Variants in PCDHA8 observed in about 807,000 individuals in gnomAD.
PCDHA8 encodes protocadherin alpha 8.
A neutral mutation model predicts 61.8 loss-of-function variants in PCDHA8; 53 were observed. That is an observed-to-expected ratio of 0.86 (90% confidence interval 0.69 to 1.08). PCDHA8 has a LOEUF of 1.08. Ranked by LOEUF, PCDHA8 falls within the 50% of genes least tolerant of loss-of-function variation. PCDHA8 has a pLI of 0.00. For synonymous variants in PCDHA8, 618 were observed against 556.6 expected (o/e 1.11, Z -1.55); for missense variants, 1,293 against 1,245.0 (o/e 1.04, Z -0.58).
chr5:140,875,865 G>C (rs782211791), intron 1 of PCDHA8: 6 of 1,614,160 alleles, frequency 3.7e-6, no homozygotes, highest in Non-Finnish European at 5.1e-6. Context: ...ACAACCCGCC[G>C]GTGTTCAGAG....
Position 140,842,566 on chromosome 5 carries a change from CGAGAGA to C in PCDHA8, c.1247_1252del (p.Glu416_Arg417del). ...TGGTGCTGGACAGCGCCCTGGACCG[CGAGAGA>C]GTGTCGGCCTATGAGTTGGTGGTAA... On this transcript the variant is annotated inframe_deletion, in exon 1 of 4. Transcript: ENST00000531613. 6.7e-7 allele frequency: 1 copy of C among 1,503,446 alleles called. No individual in the cohort carries two copies. The highest frequency in any genetic ancestry group is 9.0e-7 in the Non-Finnish European group (1 of 1,107,054). The allele number at this position is 1,503,446 out of a possible 1,614,324, so 93.1% of individuals were successfully genotyped here.
In PCDHA8 at chr5:140,875,579, A is replaced by C. The variant is rs552791418; in HGVS notation, c.2394+31864A>C. ...AGCGGCCAGCTCCACTACTCCGTCTACGAGGAGGCCAAACACGGCACCTTC... is the reference window on the plus strand; with the variant it reads ...AGCGGCCAGCTCCACTACTCCGTCTCCGAGGAGGCCAAACACGGCACCTTC... On this transcript the variant is annotated intron_variant, in intron 1 of 3. Coordinates refer to ENST00000531613, the MANE Select transcript of PCDHA8 (RefSeq NM_018911.3). The C allele has an allele frequency of 9.3e-6, 15 of 1,614,050 alleles. No individual in the cohort carries two copies. Among genetic ancestry groups the C allele is most frequent in the East Asian group, 6.7e-5 (3 of 44,884 alleles).
At chr5:140,921,198 A>T (rs1298623554) in intron 1 of PCDHA8, among the ~76,000 whole-genome samples, 2 of 152,076 alleles carry the variant, frequency 1.3e-5, no homozygotes, top group African/African-American at 4.8e-5. Flanking sequence ...CAATAGATTG[A>T]CAACGATAAT....
intron 3 of PCDHA8, among the ~76,000 whole-genome samples, chr5:140,992,482 G>A (rs1187706188): frequency 6.6e-6 from 1 of 152,164 alleles, no homozygotes; most frequent in Non-Finnish European, 1.5e-5. Flanking sequence ...TCACCCAGAG[G>A]CCAATCTGTA....
intron 1 of PCDHA8, among the ~76,000 whole-genome samples, chr5:140,888,192 A>T (rs906159358): frequency 6.6e-6 from 1 of 152,120 alleles, no homozygotes; most frequent in Non-Finnish European, 1.5e-5. Context: ...TGAATTTTAC[A>T]TTGTCGGATG....
At chr5:140,961,984 C>T (rs1037951528) in intron 1 of PCDHA8, among the ~76,000 whole-genome samples, 69 of 151,884 alleles carry the variant, frequency 4.5e-4, no homozygotes, top group African/African-American at 1.5e-3. Context: ...CCTGGGTTCA[C>T]GCCATTGTCC....
chr5:140,954,360 A>G (rs1203050549), intron 1 of PCDHA8, among the ~76,000 whole-genome samples: 2 of 152,212 alleles, frequency 1.3e-5, no homozygotes, highest in African/African-American at 4.8e-5. Flanking sequence ...GAATCGCCAC[A>G]CAGTCTCCCA....
intron 1 of PCDHA8, chr5:140,969,086 G>A: frequency 6.2e-7 from 1 of 1,614,190 alleles, no homozygotes; most frequent in Non-Finnish European, 8.5e-7. Context: ...TGGCCTCAAA[G>A]TGCAGCCTCA....
intron 1 of PCDHA8, among the ~76,000 whole-genome samples, chr5:140,879,660 G>A (rs994440632): frequency 1.3e-5 from 2 of 152,154 alleles, no homozygotes; most frequent in East Asian, 1.9e-4. Flanking sequence ...TATAACAAAC[G>A]AACACAAACT....
chr5:140,893,853 G>C (rs1395145943), intron 1 of PCDHA8, among the ~76,000 whole-genome samples: 1 of 152,050 alleles, frequency 6.6e-6, no homozygotes. Context: ...CCTACCTCTT[G>C]TATAGAAACA....
At chr5:140,948,708 C>T (rs1376587735) in intron 1 of PCDHA8, among the ~76,000 whole-genome samples, 1 of 151,114 alleles carries the variant, frequency 6.6e-6, no homozygotes, top group Non-Finnish European at 1.5e-5. Flanking sequence ...TGTGTTCTAT[C>T]CTCTTTTTTA....
At chr5:140,899,035 G>C (rs2067107583) in intron 1 of PCDHA8, among the ~76,000 whole-genome samples, 1 of 151,908 alleles carries the variant, frequency 6.6e-6, no homozygotes, top group African/African-American at 2.4e-5. Context: ...TTTGTACATT[G>C]ATTTTGTATC....
chr5:140,949,639 T>C (rs1563239072), intron 1 of PCDHA8, among the ~76,000 whole-genome samples: 1 of 152,036 alleles, frequency 6.6e-6, no homozygotes, highest in East Asian at 1.9e-4. Flanking sequence ...ATATTGCTTT[T>C]TGTTCATTTT....
intron 1 of PCDHA8, among the ~76,000 whole-genome samples, chr5:140,923,645 C>T (rs939799750): frequency 1.1e-4 from 17 of 152,126 alleles, no homozygotes; most frequent in African/African-American, 4.1e-4. Context: ...AATCTTTAGC[C>T]TCCCTTATCT....
At chr5:140,939,789 A>T (rs1259994967) in intron 1 of PCDHA8, among the ~76,000 whole-genome samples, 1 of 152,246 alleles carries the variant, frequency 6.6e-6, no homozygotes, top group African/African-American at 2.4e-5. Flanking sequence ...GTCAATTTCT[A>T]TAAATGTTCT....
intron 1 of PCDHA8, chr5:140,863,004 GC>G (rs781788283): frequency 1.8e-6 from 1 of 551,012 alleles, no homozygotes; most frequent in Non-Finnish European, 3.6e-6. Context: ...GTGGACTCCA[GC>G]TATGACGCCT....
chr5:140,988,119 A>T (rs1238767411), intron 3 of PCDHA8, among the ~76,000 whole-genome samples: 1 of 152,174 alleles, frequency 6.6e-6, no homozygotes, highest in Non-Finnish European at 1.5e-5. Context: ...TTTAGAAAGC[A>T]TGCTGTTCCA....
At position 140,993,463 on chromosome 5, in the gene PCDHA8, CA is replaced by C. The variant is rs1563591979; in HGVS notation, c.2542+10901del. ...ATTCCTGTTCTCCTTCTTTCTTTCTCACACACACACACACACACACACACAC... is the reference window on the plus strand; with the variant it reads ...ATTCCTGTTCTCCTTCTTTCTTTCTCCACACACACACACACACACACACAC... On this transcript the variant is annotated intron_variant, in intron 3 of 3. Coordinates refer to ENST00000531613, the MANE Select transcript of PCDHA8 (RefSeq NM_018911.3). Among the ~76,000 whole-genome samples the C allele has an allele frequency of 9.6e-3, 73 of 7,582 alleles. 1 individual carries two copies. The highest frequency in any genetic ancestry group is 0.047 in the African/African-American group (71 of 1,514). 5.0% of individuals were successfully genotyped at this position (7,582 alleles called of 152,430 possible).
In PCDHA8 at chr5:141,011,200, A is replaced by C. The variant is rs1242625146; in HGVS notation, c.*1263A>C. 6.5e-6 allele frequency: 1 copy of C among 153,774 alleles called. No individual in the cohort carries two copies. Among genetic ancestry groups the C allele is most frequent in the Non-Finnish European group, 1.5e-5 (1 of 68,036 alleles). The allele number at this position is 153,774 out of a possible 1,614,324, so 9.5% of individuals were successfully genotyped here. ...AATTGAAGAAAAATATTGTTTTCTCATACAGTGAGCAGATTTTTCAATCTA... is the reference window on the plus strand; with the variant it reads ...AATTGAAGAAAAATATTGTTTTCTCCTACAGTGAGCAGATTTTTCAATCTA... On this transcript the variant is annotated 3_prime_UTR_variant, in exon 4 of 4. Transcript: ENST00000531613.
Sources: allele counts gnomAD v4.1 joint callset (sites outside exome capture counted in the v4.1 genomes callset), GRCh38; gene constraint gnomAD v4.1.1; transcripts MANE v1.5; gene names NCBI Gene and HGNC (gene_info 2026-07-23, HGNC 2026-07-21).